Variants in MICAL2 observed in about 807,000 individuals in gnomAD.
MICAL2 encodes the protein [F-actin]-monooxygenase MICAL2.
Under a neutral mutation model 127.3 loss-of-function variants are expected in MICAL2, and 77 were observed. The ratio of observed to expected loss-of-function variants is 0.60; its 90% CI spans 0.50 to 0.73. The LOEUF is 0.73. Ranked by LOEUF, MICAL2 falls within the 30% of genes least tolerant of loss-of-function variation. MICAL2 has a pLI of 0.00. For synonymous variants in MICAL2, 570 were observed against 551.1 expected, an observed-to-expected ratio of 1.03 and a Z score of -0.48; for missense variants, 1,351 against 1,434.4, an observed-to-expected ratio of 0.94 and a Z score of 0.94.
intron 32 of MICAL2, among the ~76,000 whole-genome samples, chr11:12,344,489 ATT>A (rs1491270803): frequency 2.8e-5 from 4 of 145,040 alleles, no homozygotes; most frequent in African/African-American, 1.0e-4. Context: ...TATTATTATT[ATT>A]ATTATTATTA....
rs1236559886 is a variant in MICAL2, at chr11:12,312,026, AAAC to A, written c.5213-7667_5213-7665del. On this transcript the variant is annotated intron_variant, in intron 29 of 34. Transcript: ENST00000646065. ...TAATTTATTATAATAGTTTATATAA[AAAC>A]AAATTTTTAAAATTATTATTATATA... Among the ~76,000 whole-genome samples the A allele has an allele frequency of 2.6e-5, 4 of 151,332 alleles. No homozygotes were observed. In the South Asian group the frequency reaches 8.3e-4, roughly 31 times the overall value.
downstream of MICAL2, among the ~76,000 whole-genome samples, chr11:12,287,753 G>A (rs150942808): frequency 0.014 from 2,086 of 152,322 alleles, 20 homozygotes; most frequent in Non-Finnish European, 0.02. Context: ...GCCAGGGGGC[G>A]CAGTGAACAC....
At chr11:12,319,837 G>A in intron 30 of MICAL2, 1 of 1,562,930 alleles carries the variant, frequency 6.4e-7, no homozygotes, top group South Asian at 1.1e-5. Context: ...CAGCCAAAGA[G>A]GGCCTTGGCT....
Position 12,249,246 on chromosome 11 carries a change from G to A in MICAL2, c.2847G>A (p.Gln949=). 2 of 1,566,252 alleles carry A rather than the reference G, an allele frequency of 1.3e-6. No individual in the cohort carries two copies. Among genetic ancestry groups the A allele is most frequent in the Non-Finnish European group, 1.8e-6 (2 of 1,136,806 alleles). ...HPSHLRTVHP[Q]LTVGKVSSGI... The stretch of plus-strand genomic sequence containing the variant: ...GCCATTTGAGAACAGTGCATCCTCA[G>A]GTGAGTTAGAGCCTCCCTGAACTTC... Residue 949 remains glutamine (Q), a splice_region_variant and synonymous_variant, in exon 22 of 28, where the codon CAG becomes CAA. Transcript: ENST00000683283.
chr11:12,174,166 G>C (rs993099911), intron 3 of MICAL2, among the ~76,000 whole-genome samples: 51 of 108,002 alleles, frequency 4.7e-4, no homozygotes, highest in Admixed American at 4.6e-3. Context: ...TTGAGTTTGA[G>C]GTTTTTTTCA....
At chr11:12,261,092 G>A in intron 26 of MICAL2, 1 of 985,550 alleles carries the variant, frequency 1.0e-6, no homozygotes, top group African/African-American at 1.7e-5. Context: ...GTCAGGCCAA[G>A]TGGAGTGGAA....
chr11:12,246,583 C>G (rs747632212), intron 21 of MICAL2, among the ~76,000 whole-genome samples: 1 of 152,228 alleles, frequency 6.6e-6, no homozygotes, highest in Non-Finnish European at 1.5e-5. Context: ...TGTGAACATT[C>G]ATTCCTTCAA....
intron 1 of MICAL2, among the ~76,000 whole-genome samples, chr11:12,133,235 C>T (rs1412906054): frequency 1.3e-5 from 2 of 152,148 alleles, no homozygotes; most frequent in Admixed American, 1.3e-4. Context: ...GCGTGCGCCA[C>T]CACACCTGGC....
intron 1 of MICAL2, among the ~76,000 whole-genome samples, chr11:12,277,868 A>G (rs1369959838): frequency 6.6e-6 from 1 of 152,234 alleles, no homozygotes; most frequent in Non-Finnish European, 1.5e-5. Flanking sequence ...TATATGGTGT[A>G]ACCTATTGCT....
At chr11:12,297,932 T>A (rs114945762) in intron 29 of MICAL2, among the ~76,000 whole-genome samples, 2,970 of 151,876 alleles carry the variant, frequency 0.02, 93 homozygotes, top group African/African-American at 0.068. Flanking sequence ...TATTTTTTTA[T>A]TTTAGGTATT....
upstream of MICAL2, among the ~76,000 whole-genome samples, chr11:12,273,997 G>A (rs1401005783): frequency 2.6e-5 from 4 of 152,142 alleles, no homozygotes; most frequent in Non-Finnish European, 5.9e-5. Context: ...AGGAAGCTTG[G>A]CTAAGAAGGA....
intron 3 of MICAL2, among the ~76,000 whole-genome samples, chr11:12,166,423 G>A (rs901915442): frequency 6.6e-6 from 1 of 152,206 alleles, no homozygotes; most frequent in Non-Finnish European, 1.5e-5. Flanking sequence ...TGAGCTTTAT[G>A]TGAAGACAGA....
chr11:12,272,707 C>T (rs780740788), upstream of MICAL2, among the ~76,000 whole-genome samples: 6 of 152,102 alleles, frequency 3.9e-5, no homozygotes, highest in African/African-American at 4.8e-5. Flanking sequence ...GGTCTAAGGG[C>T]GAGGGAGGCC....
intron 26 of MICAL2, chr11:12,260,788 G>A: frequency 1.0e-6 from 1 of 985,454 alleles, no homozygotes; most frequent in South Asian, 4.7e-5. Flanking sequence ...CCTGGGAGGA[G>A]GACTGTTTTG....
chr11:12,257,617 T>C (rs1862496123), intron 24 of MICAL2, among the ~76,000 whole-genome samples: 1 of 152,152 alleles, frequency 6.6e-6, no homozygotes, highest in Non-Finnish European at 1.5e-5. Flanking sequence ...CATGGAACCT[T>C]GGGCTTGTTA....
intron 1 of MICAL2, among the ~76,000 whole-genome samples, chr11:12,124,779 A>G (rs1017039638): frequency 6.6e-6 from 1 of 152,208 alleles, no homozygotes; most frequent in South Asian, 2.1e-4. Context: ...AGTCCAAGTC[A>G]TTAACTTCCT....
chr11:12,176,472 T>TG (rs1856853559), intron 3 of MICAL2, among the ~76,000 whole-genome samples: 4 of 152,204 alleles, frequency 2.6e-5, no homozygotes, highest in Non-Finnish European at 4.4e-5. Flanking sequence ...TCCCCTTGCC[T>TG]TTTGTGACAC....
intron 16 of MICAL2, among the ~76,000 whole-genome samples, chr11:12,238,693 C>T (rs539631554): frequency 1.3e-5 from 2 of 152,170 alleles, no homozygotes; most frequent in East Asian, 3.9e-4. Context: ...CTGATGCAAT[C>T]CGAATAAAGT....
chr11:12,272,582 G>A (rs763201936), upstream of MICAL2, among the ~76,000 whole-genome samples: 1 of 152,132 alleles, frequency 6.6e-6, no homozygotes, highest in Non-Finnish European at 1.5e-5. Context: ...CATGGAGCTG[G>A]GTCTTTGCCA....
Sources: allele counts gnomAD v4.1 joint callset (sites outside exome capture counted in the v4.1 genomes callset), GRCh38; gene constraint gnomAD v4.1.1; transcripts MANE v1.5; gene names NCBI Gene and HGNC (gene_info 2026-07-23, HGNC 2026-07-21).